Variants in GLRX3 observed in about 807,000 individuals in gnomAD.
The protein encoded by GLRX3 is glutaredoxin-3.
Under a neutral mutation model 49.5 loss-of-function variants are expected in GLRX3, and 22 were observed. The observed-to-expected ratio is 0.44, with a 90% CI of 0.32 to 0.63. The LOEUF is 0.63. Among genes scored for constraint, GLRX3 ranks in the 30% least tolerant of loss-of-function variants. The probability of loss-of-function intolerance (pLI) is 0.05; values close to 1 mark genes in which losing one functional copy is unlikely to be tolerated. For synonymous variants in GLRX3, 133 were observed against 140.0 expected (o/e 0.95, Z 0.35); for missense variants, 385 against 396.3 (o/e 0.97, Z 0.24).
intron 7 of GLRX3, 79 bp from the exon 8 acceptor site, chr10:130,171,505 G>GT (rs1284327150): frequency 1.4e-5 from 12 of 833,030 alleles, no homozygotes; most frequent in Non-Finnish European, 2.3e-5. Context: ...TGCTGTGCTG[G>GT]TTGACAAGAG....
In GLRX3 at chr10:130,156,938, G is replaced by A. The variant is rs538065004; in HGVS notation, c.202-3057G>A. Among the ~76,000 whole-genome samples the A allele has an allele frequency of 1.2e-4, 18 of 152,276 alleles. No homozygotes were observed. In the South Asian group the frequency reaches 3.7e-3, roughly 32 times the overall value. ...TGACATGTAATCTTTATTTTTGATTGTAGTAGTAGAAAAAATTAACCATAG... is the reference window on the plus strand; with the variant it reads ...TGACATGTAATCTTTATTTTTGATTATAGTAGTAGAAAAAATTAACCATAG... On this transcript the variant is annotated intron_variant, in intron 2 of 10. Transcript: ENST00000331244.
chr10:130,164,703 G>T (rs1862648002), intron 4 of GLRX3, among the ~76,000 whole-genome samples: 1 of 152,164 alleles, frequency 6.6e-6, no homozygotes, highest in African/African-American at 2.4e-5. Flanking sequence ...TTATCCTTAA[G>T]CGTAACATTT....
intron 10 of GLRX3, among the ~76,000 whole-genome samples, chr10:130,177,438 G>T (rs116264311): frequency 6.6e-6 from 1 of 152,174 alleles, no homozygotes; most frequent in Admixed American, 6.5e-5. Flanking sequence ...CTTATTTGGC[G>T]CGCTCCCAAT....
chr10:130,175,423 C>CT (rs1862897891), intron 10 of GLRX3, among the ~76,000 whole-genome samples: 1 of 152,232 alleles, frequency 6.6e-6, no homozygotes, highest in South Asian at 2.1e-4. Context: ...CTCATCTGCC[C>CT]TTGGGTGCAT....
rs116486583 is a variant in GLRX3 at position 130,152,380 on chromosome 10, A to G, written c.201+7061A>G. On this transcript the variant is annotated intron_variant, in intron 2 of 10. Transcript: ENST00000331244. ...AACTGGTAATTTTGCCCGTTCGTTA[A>G]TGCAGTTTCTTCATAGTGTCGATGG... Among the ~76,000 whole-genome samples the G allele has an allele frequency of 9.5e-3, 1,446 of 152,238 alleles. 21 individuals carry two copies. Among genetic ancestry groups the G allele is most frequent in the African/African-American group, 0.033 (1,379 of 41,532 alleles).
chr10:130,178,622 T>C (rs1403573920), intron 10 of GLRX3, among the ~76,000 whole-genome samples: 1 of 152,176 alleles, frequency 6.6e-6, no homozygotes, highest in Non-Finnish European at 1.5e-5. Context: ...ACAGTTTAAA[T>C]AGGGGCTTCA....
At chr10:130,150,264 GA>G (rs1862349125) in intron 2 of GLRX3, among the ~76,000 whole-genome samples, 4 of 148,110 alleles carry the variant, frequency 2.7e-5, no homozygotes, top group South Asian at 2.1e-4. Flanking sequence ...AAGAAAGAAA[GA>G]AAAAGAAAAA....
intron 1 of GLRX3, among the ~76,000 whole-genome samples, chr10:130,141,518 C>T (rs1862175187): frequency 6.6e-6 from 1 of 152,170 alleles, no homozygotes; most frequent in African/African-American, 2.4e-5. Context: ...TGATTTCTTA[C>T]TGTCACTGTA....
intron 1 of GLRX3, among the ~76,000 whole-genome samples, chr10:130,141,280 G>T (rs1564986349): frequency 6.6e-6 from 1 of 151,854 alleles, no homozygotes; most frequent in Non-Finnish European, 1.5e-5. Flanking sequence ...GGGCATTAGA[G>T]TAAGACCCTG....
At chr10:130,147,478 G>A (rs868547441) in intron 2 of GLRX3, among the ~76,000 whole-genome samples, 1 of 152,312 alleles carries the variant, frequency 6.6e-6, no homozygotes, top group South Asian at 2.1e-4. Context: ...AAGGTTGGAG[G>A]AGCCCTCAGC....
At position 130,138,665 on chromosome 10, in the gene GLRX3, T is replaced by C. The variant is rs192990399; in HGVS notation, c.92+2153T>C. On this transcript the variant is annotated intron_variant, in intron 1 of 10. Coordinates refer to ENST00000331244, the MANE Select transcript of GLRX3 (RefSeq NM_006541.5). ...TGGGCTCTGACTCATCCAGTACAGATCAGCACAATCACAGGAGTCACCAGA... is the reference window on the plus strand; with the variant it reads ...TGGGCTCTGACTCATCCAGTACAGACCAGCACAATCACAGGAGTCACCAGA... Among the ~76,000 whole-genome samples, 272 of 152,192 alleles carry C rather than the reference T, an allele frequency of 1.8e-3. 6 individuals are homozygous for C. The Middle Eastern group carries it at 0.02, about 11-fold the overall frequency.
rs1158135687 is a variant in GLRX3, at chr10:130,166,973, G to C, written c.706G>C (p.Glu236Gln). ...AATTTGTCCCAAAGCTCCCAAATTA[G>C]AGGAAAGGTAAGTGTTTTAGAAGGT... ...DTICPKAPKL[E>Q]ERLKVLTNKA... The change falls in exon 6 of 11, where the codon GAG becomes CAG. Residue 236 changes from glutamate to glutamine, a missense_variant. Physicochemically the swap from Glu to Gln is conservative, Grantham distance 29. This residue lies in a region of GLRX3 where 374 missense variants were observed against 358.6 expected (regional missense o/e 1.04). Coordinates refer to ENST00000331244, the MANE Select transcript of GLRX3 (RefSeq NM_006541.5). The C allele has an allele frequency of 1.3e-6, 2 of 1,575,532 alleles. No homozygotes were observed. The highest frequency in any genetic ancestry group is 1.4e-5 in the African/African-American group (1 of 73,704).
chr10:130,163,496 A>C (rs934147037), intron 4 of GLRX3, among the ~76,000 whole-genome samples: 2 of 152,218 alleles, frequency 1.3e-5, no homozygotes, highest in African/African-American at 4.8e-5. Context: ...AAAGACAATA[A>C]ATATTTTGAG....
chr10:130,148,684 T>C (rs973206281), intron 2 of GLRX3, among the ~76,000 whole-genome samples: 1 of 152,056 alleles, frequency 6.6e-6, no homozygotes, highest in Non-Finnish European at 1.5e-5. Context: ...TAGTTTGTGC[T>C]CTTTGGAATT....
intron 6 of GLRX3, among the ~76,000 whole-genome samples, chr10:130,167,560 T>C (rs1044921433): frequency 2.0e-5 from 3 of 152,228 alleles, no homozygotes; most frequent in African/African-American, 7.2e-5. Flanking sequence ...TGTTGGACTT[T>C]GGTGTGTAAG....
intron 4 of GLRX3, among the ~76,000 whole-genome samples, chr10:130,162,509 C>T (rs1049587428): frequency 6.6e-5 from 10 of 152,208 alleles, no homozygotes; most frequent in South Asian, 2.1e-4. Context: ...GTACTTTGTG[C>T]GGTGGCCACT....
chr10:130,157,656 G>GA (rs1862502410), intron 2 of GLRX3, among the ~76,000 whole-genome samples: 1 of 151,846 alleles, frequency 6.6e-6, no homozygotes, highest in Non-Finnish European at 1.5e-5. Flanking sequence ...CAGTCAAGTT[G>GA]AAACCTTAAA....
intron 1 of GLRX3, among the ~76,000 whole-genome samples, chr10:130,138,697 C>T (rs1342396706): frequency 6.6e-6 from 1 of 152,116 alleles, no homozygotes; most frequent in Non-Finnish European, 1.5e-5. Context: ...CAGAAGTGGC[C>T]TCTTGAAATG....
In GLRX3 at chr10:130,160,004, GA is replaced by G; in HGVS notation, c.213del (p.Gly72ValfsTer29). The G allele has an allele frequency of 1.3e-6, 2 of 1,584,474 alleles. No homozygotes were observed. Among genetic ancestry groups the G allele is most frequent in the South Asian group, 1.1e-5 (1 of 90,412 alleles). ...TTCTTTTATTTTAAAGTTGGAAGCTGAAGGTGTTCCTGAAGTATCTGAAAAA... is the reference window on the plus strand; with the variant it reads ...TTCTTTTATTTTAAAGTTGGAAGCTGAGGTGTTCCTGAAGTATCTGAAAAA... ...PQVSFVKLEAEGVPEVSEKYE... is the reference protein window; with the variant it reads ...PQVSFVKLEAXGVPEVSEKYE... On this transcript the variant is annotated frameshift_variant, in exon 3 of 11. Transcript: ENST00000331244. LOFTEE classifies it high-confidence loss of function.
Sources: gnomAD v4.1 joint callset for allele counts (sites outside exome capture counted in the v4.1 genomes callset) on GRCh38, gnomAD v4.1.1 for gene constraint, gnomAD v4.1.1 regional missense constraint, MANE v1.5 for transcripts, NCBI Gene and HGNC (gene_info 2026-07-23, HGNC 2026-07-21) for gene names.